Variants in MYOZ3 observed in about 807,000 individuals in gnomAD.
MYOZ3 encodes the protein myozenin 3.
A neutral mutation model predicts 26.5 loss-of-function variants in MYOZ3; 19 were observed. The observed-to-expected ratio is 0.72, with a 90% CI of 0.50 to 1.05. The LOEUF (loss-of-function observed/expected upper bound fraction) is 1.05. MYOZ3 is among the 50% of genes least tolerant of loss of function. MYOZ3 has a pLI of 0.00. For missense variants in MYOZ3, 322 were observed against 337.1 expected (o/e 0.96, Z 0.35); for synonymous variants, 135 against 138.8 (o/e 0.97, Z 0.19).
At chr5:150,671,532 G>T in intron 3 of MYOZ3, 65 bp from the exon 4 acceptor site, 1 of 1,566,304 alleles carries the variant, frequency 6.4e-7, no homozygotes, top group Admixed American at 1.8e-5. Flanking sequence ...TTTTGGTGGA[G>T]GGAGAACCCT....
At chr5:150,672,055 A>G in intron 5 of MYOZ3, 147 bp downstream of exon 5, 1 of 1,284,660 alleles carries the variant, frequency 7.8e-7, no homozygotes, top group African/African-American at 1.5e-5. Context: ...TCGCCAGACC[A>G]CGAGCCGGAG....
rs769249497 is a variant in MYOZ3 at position 150,670,624 on chromosome 5, G to T, written c.202G>T (p.Ala68Ser). 23 of 1,608,980 alleles carry T rather than the reference G, an allele frequency of 1.4e-5. No homozygotes were observed. Among genetic ancestry groups the T allele is most frequent in the Non-Finnish European group, 1.8e-5 (21 of 1,176,298 alleles). Residue 68 changes from alanine to serine, a missense_variant, in exon 3 of 7, where the codon GCC becomes TCC. Transcript: ENST00000517768. The stretch of plus-strand genomic sequence containing the variant: ...GCAGAAGTTCACTTTCGAGTTAGCA[G>T]CCAGCCAGCGGGCGGTGAGTAAGCC... ...RVQKFTFELA[A>S]SQRAMLAGSA... is the part of the protein sequence containing the mutation.
intron 5 of MYOZ3, 39 bp downstream of exon 5, chr5:150,671,947 G>T: frequency 6.7e-7 from 1 of 1,484,186 alleles, no homozygotes; most frequent in Non-Finnish European, 8.9e-7. Context: ...AGGGCTGGGG[G>T]GCCTGAAGCA....
In MYOZ3 at chr5:150,666,630, A is replaced by AAAT. The variant is rs1554113786; in HGVS notation, c.61+3629_61+3630insATA. On this transcript the variant is annotated intron_variant, in intron 2 of 6. Coordinates refer to ENST00000517768, the MANE Select transcript of MYOZ3 (RefSeq NM_001122853.3). ...CTCTGTCTCAAAAAAAAAAAAAAAA[A>AAAT]ATATATATATATATATATACACACA... is the stretch of plus-strand genomic sequence containing the variant. 4.5e-3 allele frequency among the ~76,000 whole-genome samples: 559 copies of AAAT among 122,986 alleles called. 3 individuals are homozygous for AAAT. Among genetic ancestry groups the AAAT allele is most frequent in the South Asian group, 0.026 (100 of 3,822 alleles). 80.7% of individuals were successfully genotyped at this position (122,986 alleles called of 152,430 possible).
chr5:150,669,337 C>T (rs1300905603), intron 2 of MYOZ3, among the ~76,000 whole-genome samples: 3 of 151,864 alleles, frequency 2.0e-5, no homozygotes, highest in Non-Finnish European at 4.4e-5. Context: ...AATCCAGCTA[C>T]TCACGAGCCT....
chr5:150,670,239 A>G (rs1758880367), intron 2 of MYOZ3: 1 of 371,790 alleles, frequency 2.7e-6, no homozygotes, highest in Admixed American at 4.5e-5. Flanking sequence ...AATAAACACA[A>G]ATGGCCAAAG....
chr5:150,663,103 G>T lies in MYOZ3; in HGVS notation c.61+101G>T, dbSNP rs1758760261. The stretch of plus-strand genomic sequence containing the variant: ...GCTGGCCCCAGGCCTGGGCAGACAG[G>T]TGTGAGCTCCAGGCCAGCTCTGAGG... On this transcript the variant is annotated intron_variant, in intron 2 of 6. Transcript: ENST00000517768. 4 of 998,352 alleles carry T rather than the reference G, an allele frequency of 4.0e-6. No homozygotes were observed. In the African/African-American group the frequency reaches 5.0e-5, roughly 12 times the overall value. 61.8% of individuals were successfully genotyped at this position (998,352 alleles called of 1,614,324 possible). A position where few individuals can be genotyped will look rare whatever the true frequency, so the allele number is the denominator to read the frequency against.
intron 6 of MYOZ3, among the ~76,000 whole-genome samples, chr5:150,674,383 C>T (rs1203664177): frequency 6.6e-6 from 1 of 152,260 alleles, no homozygotes; most frequent in Non-Finnish European, 1.5e-5. Context: ...GCATCCAGAC[C>T]TCTTCTGAGG....
chr5:150,666,138 C>A (rs981624164), intron 2 of MYOZ3, among the ~76,000 whole-genome samples: 1 of 150,792 alleles, frequency 6.6e-6, no homozygotes, highest in African/African-American at 2.4e-5. Flanking sequence ...TATAACTATT[C>A]TTTTATATTT....
intron 6 of MYOZ3, among the ~76,000 whole-genome samples, 190 bp from the exon 7 acceptor site, chr5:150,676,517 C>T (rs566864954): frequency 2.3e-4 from 32 of 141,998 alleles, no homozygotes; most frequent in African/African-American, 8.8e-4. Flanking sequence ...GCGCTCCAAC[C>T]TGGGTGACAG....
chr5:150,675,925 C>T (rs73276192), intron 6 of MYOZ3, among the ~76,000 whole-genome samples: 13,427 of 152,254 alleles, frequency 0.088, 1,837 homozygotes, highest in African/African-American at 0.29. Flanking sequence ...ACCCTCTAAC[C>T]AGCAGCATGT....
chr5:150,672,095 T>C (rs1758925133), intron 5 of MYOZ3, 187 bp downstream of exon 5: 3 of 1,115,944 alleles, frequency 2.7e-6, no homozygotes, highest in Non-Finnish European at 3.9e-6. Context: ...ACACAGCGAG[T>C]CAGCCAAGGC....
chr5:150,665,501 A>G (rs1758794204), intron 2 of MYOZ3, among the ~76,000 whole-genome samples: 1 of 152,192 alleles, frequency 6.6e-6, no homozygotes, highest in Non-Finnish European at 1.5e-5. Flanking sequence ...TGCAATAAAC[A>G]TTCTTATACA....
intron 2 of MYOZ3, among the ~76,000 whole-genome samples, chr5:150,668,766 C>T (rs73276146): frequency 1.3e-5 from 2 of 152,058 alleles, no homozygotes; most frequent in Admixed American, 6.6e-5. Flanking sequence ...TGGTAGGAAA[C>T]GCACAAAGGA....
intron 6 of MYOZ3, among the ~76,000 whole-genome samples, chr5:150,674,078 A>G (rs935042114): frequency 6.6e-6 from 1 of 152,222 alleles, no homozygotes; most frequent in Non-Finnish European, 1.5e-5. Flanking sequence ...GACTGCCCTC[A>G]AATATCTGAA....
intron 6 of MYOZ3, among the ~76,000 whole-genome samples, chr5:150,673,875 G>A (rs1297036255): frequency 1.3e-5 from 2 of 152,164 alleles, no homozygotes; most frequent in Non-Finnish European, 2.9e-5. Context: ...TGAGGAAAAG[G>A]GGAGTCCACA....
chr5:150,667,631 TACAA>T (rs139735703), intron 2 of MYOZ3, among the ~76,000 whole-genome samples: 1 of 151,900 alleles, frequency 6.6e-6, no homozygotes, highest in Non-Finnish European at 1.5e-5. Flanking sequence ...TCTCCATTTT[TACAA>T]ACAAACAAAC....
At chr5:150,669,633 C>CTTTTTTTTTTTTTT (rs532402882) in intron 2 of MYOZ3, among the ~76,000 whole-genome samples, 1 of 47,750 alleles carries the variant, frequency 2.1e-5, no homozygotes, top group African/African-American at 5.9e-5. Flanking sequence ...CCCATATATG[C>CTTTTTTTTTTTTTT]TTTTTTTTTT....
At chr5:150,671,256 T>G (rs1381234080) in intron 3 of MYOZ3, among the ~76,000 whole-genome samples, 1 of 152,186 alleles carries the variant, frequency 6.6e-6, no homozygotes, top group East Asian at 1.9e-4. Flanking sequence ...AAGACAATGC[T>G]AGCTAAGCAC....
Sources: gnomAD v4.1 joint callset for allele counts (sites outside exome capture counted in the v4.1 genomes callset) on GRCh38, gnomAD v4.1.1 for gene constraint, MANE v1.5 for transcripts, NCBI Gene and HGNC (gene_info 2026-07-23, HGNC 2026-07-21) for gene names.